Variants in PREX2 observed in about 807,000 individuals in gnomAD.
The protein encoded by PREX2 is phosphatidylinositol-3,4,5-trisphosphate dependent Rac exchange factor 2.
In PREX2, 107 loss-of-function variants were observed where a neutral mutation model predicts 203.2. The ratio of observed to expected loss-of-function variants is 0.53; its 90% CI spans 0.45 to 0.62. The LOEUF (loss-of-function observed/expected upper bound fraction) is 0.62, where lower values mean the gene tolerates loss of function less well. PREX2 is among the 20% of genes least tolerant of loss of function. PREX2 has a pLI of 0.00. For missense variants in PREX2, 1,777 were observed against 1,955.9 expected (o/e 0.91, Z 1.72); for synonymous variants, 672 against 663.6 (o/e 1.01, Z -0.19).
At chr8:68,195,965 C>T (rs879832648) in intron 37 of PREX2, among the ~76,000 whole-genome samples, 17 of 152,236 alleles carry the variant, frequency 1.1e-4, no homozygotes, top group Middle Eastern at 6.8e-3. Flanking sequence ...GTTTTAATGC[C>T]AATCTGAATC....
intron 33 of PREX2, among the ~76,000 whole-genome samples, chr8:68,145,619 C>T (rs1047185584): frequency 7.2e-5 from 11 of 151,780 alleles, no homozygotes; most frequent in African/African-American, 2.4e-4. Flanking sequence ...TGAAATACTC[C>T]GACTGAAATT....
intron 13 of PREX2, among the ~76,000 whole-genome samples, chr8:68,072,017 T>C (rs1203076640): frequency 6.6e-6 from 1 of 152,166 alleles, no homozygotes; most frequent in East Asian, 1.9e-4. Flanking sequence ...CTTAATGTCA[T>C]CAATAGGTTC....
chr8:67,953,625 A>C (rs539925523), intron 1 of PREX2, among the ~76,000 whole-genome samples: 28 of 152,228 alleles, frequency 1.8e-4, no homozygotes, highest in African/African-American at 6.7e-4. Flanking sequence ...GAAATCTGTC[A>C]ACTTTCTGCT....
At chr8:68,146,888 A>G (rs1402189612) in intron 34 of PREX2, among the ~76,000 whole-genome samples, 1 of 152,108 alleles carries the variant, frequency 6.6e-6, no homozygotes, top group South Asian at 2.1e-4. Context: ...GTTTTTTCCA[A>G]GAGTGACTAT....
At chr8:68,225,833 TG>T (rs1278880956) in intron 39 of PREX2, among the ~76,000 whole-genome samples, 1 of 152,200 alleles carries the variant, frequency 6.6e-6, no homozygotes, top group Non-Finnish European at 1.5e-5. Context: ...TCCAGCACCT[TG>T]GGAAGCATGG....
At chr8:67,977,286 T>G (rs1318894275) in intron 1 of PREX2, among the ~76,000 whole-genome samples, 3 of 152,216 alleles carry the variant, frequency 2.0e-5, no homozygotes, top group Non-Finnish European at 4.4e-5. Flanking sequence ...AGTCTTGGAC[T>G]TTTCAGCTTG....
chr8:68,002,838 G>A (rs537690297), intron 1 of PREX2, among the ~76,000 whole-genome samples: 3 of 152,278 alleles, frequency 2.0e-5, no homozygotes, highest in Non-Finnish European at 4.4e-5. Context: ...CTTCAGAAAA[G>A]TATAGATATT....
rs149498751 is a variant in PREX2 at position 68,220,199 on chromosome 8, C to T, written c.4707+2481C>T. ...AGATTTTGTGTATATACTTTTCATA[C>T]AGTTGTTATTTTAATTCACTGCTTG... On this transcript the variant is annotated intron_variant, in intron 38 of 39. Coordinates refer to ENST00000288368, the MANE Select transcript of PREX2 (RefSeq NM_024870.4). The T allele has an allele frequency of 1.7e-3, 261 of 151,808 alleles. 2 individuals carry two copies. Among genetic ancestry groups the T allele is most frequent in the African/African-American group, 6.0e-3 (248 of 41,398 alleles). 9.4% of individuals were successfully genotyped at this position (151,808 alleles called of 1,614,324 possible). A position where few individuals can be genotyped will look rare whatever the true frequency, so the allele number is the denominator to read the frequency against.
At chr8:68,107,863 C>T (rs147441775) in intron 23 of PREX2, among the ~76,000 whole-genome samples, 5 of 152,168 alleles carry the variant, frequency 3.3e-5, no homozygotes, top group Non-Finnish European at 7.3e-5. Context: ...TCTTTTAACA[C>T]CTAAGTTGCA....
intron 21 of PREX2, among the ~76,000 whole-genome samples, chr8:68,094,366 CAG>C (rs1181160085): frequency 3.3e-5 from 5 of 152,096 alleles, no homozygotes; most frequent in Non-Finnish European, 7.3e-5. Context: ...GAGAGAGAAA[CAG>C]AGAGAGAGGG....
intron 6 of PREX2, among the ~76,000 whole-genome samples, chr8:68,037,795 A>G (rs1375060680): frequency 6.6e-6 from 1 of 152,166 alleles, no homozygotes; most frequent in Non-Finnish European, 1.5e-5. Context: ...TTTCCCACAT[A>G]CTGAGGAAAA....
intron 32 of PREX2, among the ~76,000 whole-genome samples, chr8:68,135,859 G>C (rs1478109864): frequency 6.6e-6 from 1 of 152,086 alleles, no homozygotes; most frequent in Non-Finnish European, 1.5e-5. Flanking sequence ...TAAACAAAAT[G>C]TGATGTGTCC....
chr8:68,168,563 A>G (rs937870573), intron 35 of PREX2, among the ~76,000 whole-genome samples: 13 of 152,330 alleles, frequency 8.5e-5, no homozygotes, highest in African/African-American at 2.9e-4. Flanking sequence ...GTTGTGTATT[A>G]GATTTCCTTT....
At chr8:68,174,589 G>A (rs1046057513) in intron 35 of PREX2, among the ~76,000 whole-genome samples, 50 of 152,056 alleles carry the variant, frequency 3.3e-4, no homozygotes, top group African/African-American at 1.1e-3. Context: ...TCCCCACTGA[G>A]GTCTTCCTAC....
intron 1 of PREX2, among the ~76,000 whole-genome samples, chr8:67,955,170 A>AT (rs1473265681): frequency 0.11 from 15,808 of 138,218 alleles, 1,344 homozygotes; most frequent in African/African-American, 0.23. Flanking sequence ...AAAAAAAAAA[A>AT]AGAAATCATA....
At chr8:68,197,702 A>G (rs972281789) in intron 37 of PREX2, among the ~76,000 whole-genome samples, 1 of 148,808 alleles carries the variant, frequency 6.7e-6, no homozygotes, top group Non-Finnish European at 1.5e-5. Flanking sequence ...TTATATATAT[A>G]CAATATATAT....
chr8:68,217,774 T>G lies in PREX2; in HGVS notation c.4707+56T>G. 2.4e-6 allele frequency: 3 copies of G among 1,273,190 alleles called. No homozygotes were observed. In the South Asian group the frequency reaches 3.8e-5, roughly 16 times the overall value. 78.9% of individuals were successfully genotyped at this position (1,273,190 alleles called of 1,614,324 possible). ...TTTTGTAGGCCCTGGACTTGAAGAT[T>G]CCTTTGTTCATTTATCAGGGGTTTG... On this transcript the variant is annotated intron_variant, in intron 38 of 39. Transcript: ENST00000288368.
chr8:68,089,667 T>A (rs1809807857), intron 19 of PREX2, among the ~76,000 whole-genome samples: 1 of 152,118 alleles, frequency 6.6e-6, no homozygotes, highest in South Asian at 2.1e-4. Flanking sequence ...TTTCTAGGAG[T>A]GAATTTTATG....
chr8:67,988,461 G>A (rs1041213134), intron 1 of PREX2, among the ~76,000 whole-genome samples: 2 of 152,186 alleles, frequency 1.3e-5, no homozygotes, highest in Non-Finnish European at 2.9e-5. Flanking sequence ...AAGTGCCATT[G>A]TTCACAGGGA....
Sources: allele counts gnomAD v4.1 joint callset (sites outside exome capture counted in the v4.1 genomes callset), GRCh38; gene constraint gnomAD v4.1.1; transcripts MANE v1.5; gene names NCBI Gene and HGNC (gene_info 2026-07-23, HGNC 2026-07-21).